UBAC2: variants seen among roughly 807,000 people sequenced by gnomAD.
UBAC2 encodes ubiquitin-associated domain-containing protein 2.
In UBAC2, 26 loss-of-function variants were observed where a neutral mutation model predicts 44.0. The observed-to-expected ratio is 0.59, with a 90% CI of 0.43 to 0.82. The LOEUF is 0.82. Ranked by LOEUF, UBAC2 falls within the 40% of genes least tolerant of loss-of-function variation. UBAC2 has a pLI of 0.00. For synonymous variants in UBAC2, 155 were observed against 154.3 expected (o/e 1.00, Z -0.04); for missense variants, 329 against 419.4 (o/e 0.78, Z 1.88).
chr13:99,359,770 C>T (rs1439511438), intron 7 of UBAC2, among the ~76,000 whole-genome samples: 2 of 152,156 alleles, frequency 1.3e-5, no homozygotes, highest in Non-Finnish European at 2.9e-5. Context: ...TTGTGTGGGC[C>T]CTGCCTCGCC....
intron 6 of UBAC2, among the ~76,000 whole-genome samples, chr13:99,322,556 A>G (rs927613488): frequency 5.3e-5 from 8 of 152,152 alleles, no homozygotes; most frequent in Admixed American, 1.3e-4. Flanking sequence ...TAACAGGCCT[A>G]TATTCCTCAG....
At chr13:99,237,271 T>TATAC (rs374683969) in intron 1 of UBAC2, among the ~76,000 whole-genome samples, 49 of 145,020 alleles carry the variant, frequency 3.4e-4, no homozygotes, top group South Asian at 2.7e-3. Flanking sequence ...TATATATATA[T>TATAC]ACACACACAC....
intron 1 of UBAC2, among the ~76,000 whole-genome samples, chr13:99,232,397 G>GATATAT (rs768838568): frequency 0.042 from 3,462 of 82,232 alleles, 260 homozygotes; most frequent in Non-Finnish European, 0.07. Context: ...CCTTAGTTGA[G>GATATAT]AGATATAGAT....
chr13:99,237,766 C>A (rs2043255605), intron 1 of UBAC2, among the ~76,000 whole-genome samples: 1 of 152,204 alleles, frequency 6.6e-6, no homozygotes, highest in Non-Finnish European at 1.5e-5. Context: ...ACCAGTCTGG[C>A]CAACATGGTG....
intron 8 of UBAC2, among the ~76,000 whole-genome samples, chr13:99,383,302 T>C (rs1423531039): frequency 6.6e-6 from 1 of 152,270 alleles, no homozygotes; most frequent in African/African-American, 2.4e-5. Flanking sequence ...CTTTTAAGTC[T>C]AGGACAGTAC....
chr13:99,385,263 T>C lies in UBAC2; in HGVS notation c.963T>C (p.Gly321=). Reference sequence around the variant, plus strand: ...TCATGGAGATGGGATTTTCCAGAGGTGATGCTTTGGAAGCCCTGAGAGCTT... The same window carrying C: ...TCATGGAGATGGGATTTTCCAGAGGCGATGCTTTGGAAGCCCTGAGAGCTT... ...ARLMEMGFSR[G]DALEALRASN... is the part of the protein sequence containing the mutation. The change falls in exon 9 of 9, where the codon GGT becomes GGC. Residue 321 remains glycine (G), a synonymous_variant. Transcript: ENST00000403766. 4 of 1,614,084 alleles carry C rather than the reference T, an allele frequency of 2.5e-6. No individual in the cohort carries two copies. The highest frequency in any genetic ancestry group is 3.4e-6 in the Non-Finnish European group (4 of 1,180,004).
At chr13:99,218,645 C>A (rs181054682) in intron 1 of UBAC2, among the ~76,000 whole-genome samples, 2 of 152,130 alleles carry the variant, frequency 1.3e-5, no homozygotes, top group Non-Finnish European at 2.9e-5. Flanking sequence ...GTATGAGGAG[C>A]GGTCAGTGTG....
At chr13:99,230,793 GT>G (rs1235445783) in intron 1 of UBAC2, among the ~76,000 whole-genome samples, 1 of 152,138 alleles carries the variant, frequency 6.6e-6, no homozygotes, top group Non-Finnish European at 1.5e-5. Context: ...GCTCACGCTT[GT>G]AATCCTAGCG....
intron 1 of UBAC2, among the ~76,000 whole-genome samples, chr13:99,217,404 G>A (rs539401618): frequency 1.5e-4 from 23 of 152,308 alleles, no homozygotes; most frequent in African/African-American, 5.3e-4. Context: ...CGTGTGTTCT[G>A]CCTGCCCTCT....
rs952889460 is a variant in UBAC2 at position 99,215,851 on chromosome 13, T to G, written c.31+14912T>G. 21 of 511,446 alleles carry G rather than the reference T, an allele frequency of 4.1e-5. No homozygotes were observed. In the South Asian group the frequency reaches 9.2e-4, roughly 22 times the overall value. 31.7% of individuals were successfully genotyped at this position (511,446 alleles called of 1,614,324 possible). On this transcript the variant is annotated intron_variant, in intron 1 of 8. Transcript: ENST00000403766. ...ATCTACTCCTTCATCGCACCGTGAT[T>G]CAAACTGCCCTTTTCAGTTCTTACT...
chr13:99,288,872 A>G (rs902391430), intron 4 of UBAC2, among the ~76,000 whole-genome samples: 1 of 152,212 alleles, frequency 6.6e-6, no homozygotes, highest in African/African-American at 2.4e-5. Context: ...GTCAACATGT[A>G]TTTTTTGGAG....
intron 1 of UBAC2, among the ~76,000 whole-genome samples, chr13:99,227,526 TG>T (rs575880282): frequency 6.6e-6 from 1 of 152,154 alleles, no homozygotes; most frequent in East Asian, 1.9e-4. Flanking sequence ...CATTTGGGAG[TG>T]GGGGTGGGGA....
intron 4 of UBAC2, among the ~76,000 whole-genome samples, chr13:99,276,506 G>C (rs1306534878): frequency 2.0e-5 from 3 of 152,268 alleles, no homozygotes; most frequent in African/African-American, 7.2e-5. Context: ...AGGTGCGAGG[G>C]TGGGTGAGAG....
chr13:99,255,459 G>T (rs374299759), intron 4 of UBAC2: 1 of 1,614,092 alleles, frequency 6.2e-7, no homozygotes, highest in Non-Finnish European at 8.5e-7. Context: ...ACGCCAGCAC[G>T]GCTTTGCACG....
chr13:99,206,464 T>A (rs2042873779), intron 1 of UBAC2, among the ~76,000 whole-genome samples: 1 of 152,224 alleles, frequency 6.6e-6, no homozygotes, highest in African/African-American at 2.4e-5. Context: ...CGCAGCCGCT[T>A]CCCTGGCTTT....
chr13:99,282,545 T>A (rs1305446714), intron 4 of UBAC2, among the ~76,000 whole-genome samples: 5 of 152,228 alleles, frequency 3.3e-5, no homozygotes. Flanking sequence ...ATTTCCAGTC[T>A]AATAGGAAAT....
chr13:99,273,835 CAGT>C, intron 4 of UBAC2, among the ~76,000 whole-genome samples: 1 of 150,080 alleles, frequency 6.7e-6, no homozygotes, highest in African/African-American at 2.4e-5. Context: ...CCTAGATGTT[CAGT>C]CTCCTGGACA....
chr13:99,270,446 G>C (rs2043800840), intron 4 of UBAC2, among the ~76,000 whole-genome samples: 1 of 152,206 alleles, frequency 6.6e-6, no homozygotes, highest in Non-Finnish European at 1.5e-5. Flanking sequence ...ATAGTCATCA[G>C]CTTTTGTCTT....
intron 8 of UBAC2, among the ~76,000 whole-genome samples, chr13:99,368,720 T>TGTGTGTAC (rs1293282307): frequency 6.6e-6 from 1 of 151,712 alleles, no homozygotes; most frequent in South Asian, 2.1e-4. Flanking sequence ...TGTGTGTGTG[T>TGTGTGTAC]GTGTGTACAC....
Sources: gnomAD v4.1 joint callset for allele counts (sites outside exome capture counted in the v4.1 genomes callset) on GRCh38, gnomAD v4.1.1 for gene constraint, MANE v1.5 for transcripts, NCBI Gene and HGNC (gene_info 2026-07-23, HGNC 2026-07-21) for gene names.